MAVS: variants seen among roughly 807,000 people sequenced by gnomAD.
MAVS encodes mitochondrial antiviral signaling protein.
Under a neutral mutation model 30.2 loss-of-function variants are expected in MAVS, and 20 were observed. The observed-to-expected ratio is 0.66, with a 90% confidence interval of 0.47 to 0.96. The LOEUF is 0.96. Among genes scored for constraint, MAVS ranks in the 40% least tolerant of loss-of-function variants. The pLI, the probability that MAVS is intolerant of heterozygous loss-of-function variation, is 0.00. For synonymous variants in MAVS, 278 were observed against 293.9 expected (o/e 0.95, Z 0.55); for missense variants, 624 against 701.1 (o/e 0.89, Z 1.24).
At chr20:3,847,515 G>C (rs1161216333) in intron 1 of MAVS, among the ~76,000 whole-genome samples, 2 of 152,202 alleles carry the variant, frequency 1.3e-5, no homozygotes, top group Non-Finnish European at 2.9e-5. Flanking sequence ...TTCCTTCTCA[G>C]TTGGGAAGGA....
rs1310190550 is a variant in MAVS at position 3,868,651 on chromosome 20, C to T, written c.*2504C>T. On this transcript the variant is annotated 3_prime_UTR_variant, in exon 7 of 7. Coordinates refer to ENST00000428216, the MANE Select transcript of MAVS (RefSeq NM_020746.5). ...TCTGTTTCAAAAAAAAAAAAAAAGG[C>T]AGTATGTAGCCCCGAAGACTGTTGC... 6.9e-6 allele frequency: 1 copy of T among 144,216 alleles called. No individual in the cohort carries two copies. The highest frequency in any genetic ancestry group is 2.2e-4 in the South Asian group (1 of 4,610). The allele number at this position is 144,216 out of a possible 1,614,324, so 8.9% of individuals were successfully genotyped here. A position where few individuals can be genotyped will look rare whatever the true frequency, so the allele number is the denominator to read the frequency against.
intron 1 of MAVS, among the ~76,000 whole-genome samples, chr20:3,852,109 C>T (rs1428089804): frequency 3.3e-5 from 5 of 151,036 alleles, no homozygotes; most frequent in African/African-American, 1.2e-4. Flanking sequence ...ATTCTCCTGC[C>T]TCAGCCTCCC....
intron 1 of MAVS, among the ~76,000 whole-genome samples, chr20:3,853,881 A>G (rs2089786058): frequency 6.6e-6 from 1 of 151,704 alleles, no homozygotes; most frequent in South Asian, 2.1e-4. Context: ...CTCTGCCCCC[A>G]GGTTCAAGCA....
intron 3 of MAVS, among the ~76,000 whole-genome samples, chr20:3,859,274 G>A (rs943428714): frequency 3.9e-5 from 6 of 151,928 alleles, no homozygotes; most frequent in Non-Finnish European, 7.4e-5. Flanking sequence ...TTGGGAGGCC[G>A]AGGCGGGCGG....
In MAVS at chr20:3,865,822, C is replaced by T. The variant is rs769194409; in HGVS notation, c.1298C>T (p.Ser433Leu). Residue 433 changes from serine to leucine, a missense_variant, in exon 7 of 7, where the codon TCG (serine) becomes TTG (leucine). Transcript: ENST00000428216. The surrounding 1 kb of genome is among the most constrained non-coding windows in gnomAD (Gnocchi z 4.7). ...GCATCCCAGGTAGACAGCCCGTTCT[C>T]GGGCTGCTTCGAGGATCTTGCCATC... is the stretch of plus-strand genomic sequence containing the variant. ...VLASQVDSPF[S>L]GCFEDLAISA... The T allele has an allele frequency of 4.2e-5, 67 of 1,613,866 alleles. No homozygotes were observed. Among genetic ancestry groups the T allele is most frequent in the Non-Finnish European group, 5.3e-5 (62 of 1,180,044 alleles).
Position 3,875,913 on chromosome 20 carries a change from A to G in MAVS, c.*9766A>G, listed in dbSNP as rs2089987924. On this transcript the variant is annotated 3_prime_UTR_variant, in exon 7 of 7. Transcript: ENST00000428216. ...TCACTTCGCTTGTATTTAACATAAGAAAGAAAAACCCTTTCATTATCACAT... is the reference window on the plus strand; with the variant it reads ...TCACTTCGCTTGTATTTAACATAAGGAAGAAAAACCCTTTCATTATCACAT... 6.6e-6 allele frequency: 1 copy of G among 152,378 alleles called. No homozygotes were observed. The allele number at this position is 152,378 out of a possible 1,614,324, so 9.4% of individuals were successfully genotyped here.
intron 2 of MAVS, among the ~76,000 whole-genome samples, chr20:3,855,436 G>T (rs1398456975): frequency 2.6e-5 from 4 of 152,086 alleles, no homozygotes; most frequent in African/African-American, 4.8e-5. Flanking sequence ...CACGGAGCTG[G>T]GACTCAGGTT....
chr20:3,858,639 T>C (rs1432388430), intron 3 of MAVS, among the ~76,000 whole-genome samples: 1 of 128,190 alleles, frequency 7.8e-6, no homozygotes, highest in African/African-American at 3.0e-5. Flanking sequence ...CACTCCAGCC[T>C]GGGCGACAGA....
Position 3,874,198 on chromosome 20 carries a change from T to C in MAVS, c.*8051T>C. ...CATCAAGAGAGAATTCATTGTATGA[T>C]TCTCTTCCTACAAAAAGTACAGAAA... On this transcript the variant is annotated 3_prime_UTR_variant, in exon 7 of 7. Coordinates refer to ENST00000428216, the MANE Select transcript of MAVS (RefSeq NM_020746.5). 2.5e-6 allele frequency: 1 copy of C among 398,626 alleles called. No individual in the cohort carries two copies. The highest frequency in any genetic ancestry group is 4.4e-6 in the Non-Finnish European group (1 of 226,068). The allele number at this position is 398,626 out of a possible 1,614,324, so 24.7% of individuals were successfully genotyped here.
intron 1 of MAVS, 129 bp from the exon 2 acceptor site, chr20:3,854,429 A>AC (rs2089791302): frequency 2.8e-6 from 1 of 355,018 alleles, no homozygotes; most frequent in Non-Finnish European, 5.0e-6. Flanking sequence ...GCTCTCAAAA[A>AC]AAAAAAAAAG....
chr20:3,857,894 C>A, intron 3 of MAVS, 85 bp downstream of exon 3: 1 of 1,415,650 alleles, frequency 7.1e-7, no homozygotes, highest in Non-Finnish European at 9.9e-7. Flanking sequence ...TACTTCCTGC[C>A]TTTCTCTGTC....
intron 3 of MAVS, 103 bp from the exon 4 acceptor site, chr20:3,861,229 G>C (rs1003250169): frequency 1.4e-5 from 16 of 1,107,030 alleles, no homozygotes; most frequent in Non-Finnish European, 1.7e-5. Flanking sequence ...ATCTGACCTC[G>C]TGATCTGCCT....
Position 3,862,319 on chromosome 20 carries a change from C to T in MAVS, c.531C>T (p.Pro177=), listed in dbSNP as rs139254035. ...TCCCAAGGAATCCAGATGGTGGCCC[C>T]CTGGAGTCCTCCTCTGACCTGGCAG... ...RAIPRNPDGG[P]LESSSDLAAL... Residue 177 remains proline (P), a synonymous_variant, in exon 5 of 7, where the codon CCC becomes CCT. Coordinates refer to ENST00000428216, the MANE Select transcript of MAVS (RefSeq NM_020746.5). 3.8e-5 allele frequency: 62 copies of T among 1,614,108 alleles called. No individual in the cohort carries two copies. The African/African-American group carries it at 7.2e-4, about 19-fold the overall frequency.
At position 3,857,663 on chromosome 20, in the gene MAVS, C is replaced by T; in HGVS notation, c.146C>T (p.Ser49Leu). 1 of 1,614,028 alleles carries T rather than the reference C, an allele frequency of 6.2e-7. No individual in the cohort carries two copies. Among genetic ancestry groups the T allele is most frequent in the Non-Finnish European group, 8.5e-7 (1 of 1,179,924 alleles). Reference sequence around the variant, plus strand: ...CGACTGCGGGCCACCTGCACACTCTCAGGGAACCGGGACACCCTCTGGCAT... The same window carrying T: ...CGACTGCGGGCCACCTGCACACTCTTAGGGAACCGGGACACCCTCTGGCAT... ...QDRLRATCTL[S>L]GNRDTLWHLF... Residue 49 changes from serine to leucine, a missense_variant, in exon 3 of 7, where the codon TCA (serine) becomes TTA (leucine). Transcript: ENST00000428216.
intron 1 of MAVS, among the ~76,000 whole-genome samples, chr20:3,848,390 C>A (rs569983136): frequency 7.2e-5 from 11 of 152,278 alleles, no homozygotes; most frequent in East Asian, 1.9e-4. Context: ...TGAGCCACCG[C>A]GCCCGGCCGA....
chr20:3,863,511 G>A (rs1012294329), intron 5 of MAVS, among the ~76,000 whole-genome samples: 7 of 152,204 alleles, frequency 4.6e-5, no homozygotes, highest in Non-Finnish European at 8.8e-5. Flanking sequence ...CAGAGGCAGA[G>A]GGCGCTTAGG....
rs200408454 is a variant in MAVS at position 3,857,708 on chromosome 20, G to T, written c.191G>T (p.Arg64Leu). The change falls in exon 3 of 7, where the codon CGG (arginine) becomes CTG (leucine). Residue 64 changes from arginine to leucine, a missense_variant. Physicochemically the swap from Arg to Leu is moderately radical, Grantham distance 102. Transcript: ENST00000428216. ...TGGCATCTCTTCAATACCCTTCAGC[G>T]GCGGCCCGGCTGGGTGGAGTACTTC... is the stretch of plus-strand genomic sequence containing the variant. ...TLWHLFNTLQRRPGWVEYFIA... is the reference protein window; with the variant it reads ...TLWHLFNTLQLRPGWVEYFIA... 5.0e-6 allele frequency: 8 copies of T among 1,614,118 alleles called. No homozygotes were observed. The highest frequency in any genetic ancestry group is 6.8e-6 in the Non-Finnish European group (8 of 1,180,050).
chr20:3,852,589 C>T (rs2089770823), intron 1 of MAVS, among the ~76,000 whole-genome samples: 1 of 152,128 alleles, frequency 6.6e-6, no homozygotes, highest in African/African-American at 2.4e-5. Flanking sequence ...GATCCCCCCA[C>T]CGCATGTGCT....
At position 3,873,818 on chromosome 20, in the gene MAVS, A is replaced by G; in HGVS notation, c.*7671A>G. The G allele has an allele frequency of 3.2e-6, 1 of 312,802 alleles. No homozygotes were observed. Among genetic ancestry groups the G allele is most frequent in the South Asian group, 1.6e-4 (1 of 6,248 alleles). The allele number at this position is 312,802 out of a possible 1,614,324, so 19.4% of individuals were successfully genotyped here. A position where few individuals can be genotyped will look rare whatever the true frequency, so the allele number is the denominator to read the frequency against. The stretch of plus-strand genomic sequence containing the variant: ...GGCTAAGGTGTTTCATTGTAACCTG[A>G]ATGGACCAAGCTGGTGTGACCCTGT... On this transcript the variant is annotated 3_prime_UTR_variant, in exon 7 of 7. Transcript: ENST00000428216.
Sources: gnomAD v4.1 joint callset for allele counts (sites outside exome capture counted in the v4.1 genomes callset) on GRCh38, gnomAD v4.1.1 for gene constraint, Gnocchi (gnomAD v3.1) non-coding constraint, MANE v1.5 for transcripts, NCBI Gene and HGNC (gene_info 2026-07-23, HGNC 2026-07-21) for gene names.